The following EXOC4 variants were observed in gnomAD, a reference collection of about 807,000 sequenced individuals.
The protein encoded by EXOC4 is exocyst complex component 4, also known as SEC8-like 1.
EXOC4 carries 71 observed loss-of-function variants against 107.2 expected under a neutral mutation model. That is an observed-to-expected ratio of 0.66 (90% CI 0.55 to 0.81). The LOEUF (loss-of-function observed/expected upper bound fraction) is 0.81. Ranked by LOEUF, EXOC4 falls within the 30% of genes least tolerant of loss-of-function variation. The probability of loss-of-function intolerance (pLI) is 0.00; values close to 1 mark genes in which losing one functional copy is unlikely to be tolerated. For synonymous variants in EXOC4, 456 were observed against 441.2 expected (o/e 1.03, Z -0.42); for missense variants, 1,108 against 1,189.6 (o/e 0.93, Z 1.01).
intron 10 of EXOC4, among the ~76,000 whole-genome samples, chr7:133,661,684 AAAAAC>A (rs777358581): frequency 0.47 from 49,603 of 105,688 alleles, 12,041 homozygotes; most frequent in South Asian, 0.6. Flanking sequence ...AAAAAAAAAA[AAAAAC>A]AAAAAAAAAA....
At chr7:133,839,697 G>C (rs1233428117) in intron 11 of EXOC4, among the ~76,000 whole-genome samples, 1 of 152,152 alleles carries the variant, frequency 6.6e-6, no homozygotes, top group Non-Finnish European at 1.5e-5. Context: ...TGCTTTATAG[G>C]AATATTAAAA....
At chr7:133,941,605 C>T (rs770678543) in intron 14 of EXOC4, among the ~76,000 whole-genome samples, 15 of 152,158 alleles carry the variant, frequency 9.9e-5, no homozygotes, top group Non-Finnish European at 1.9e-4. Context: ...TTTCCCCTAC[C>T]ACACAGTACA....
rs147515428 is a variant in EXOC4 at position 133,814,647 on chromosome 7, T to C, written c.1515-2678T>C. The stretch of plus-strand genomic sequence containing the variant: ...CTATTTTTCACTCATGTCAGTAATA[T>C]ATGAGAATGCCTCTTTCTTCACACT... On this transcript the variant is annotated intron_variant, in intron 10 of 17. Coordinates refer to ENST00000253861, the MANE Select transcript of EXOC4 (RefSeq NM_021807.4). 1.8e-3 allele frequency among the ~76,000 whole-genome samples: 277 copies of C among 152,334 alleles called. 4 individuals carry two copies. Among genetic ancestry groups the C allele is most frequent in the African/African-American group, 6.4e-3 (264 of 41,570 alleles).
chr7:133,579,378 C>T (rs1307152264), intron 9 of EXOC4, among the ~76,000 whole-genome samples: 1 of 152,106 alleles, frequency 6.6e-6, no homozygotes, highest in Non-Finnish European at 1.5e-5. Context: ...TAGACTAAAA[C>T]AGGGACACAG....
intron 11 of EXOC4, among the ~76,000 whole-genome samples, chr7:133,852,955 A>T (rs767528571): frequency 2.6e-5 from 4 of 152,238 alleles, no homozygotes; most frequent in Non-Finnish European, 2.9e-5. Flanking sequence ...ACAATCGGGC[A>T]TCTCTGCTGT....
chr7:133,964,147 G>C (rs1206845328), intron 14 of EXOC4, among the ~76,000 whole-genome samples: 1 of 152,152 alleles, frequency 6.6e-6, no homozygotes, highest in East Asian at 1.9e-4. Flanking sequence ...CAGTGTGTAA[G>C]TCTTTGGGGA....
chr7:133,646,048 C>A (rs758464949), intron 10 of EXOC4, among the ~76,000 whole-genome samples: 39 of 121,092 alleles, frequency 3.2e-4, no homozygotes, highest in Non-Finnish European at 5.4e-4. Context: ...CTCCTCCTCT[C>A]CCCAAACAGC....
intron 10 of EXOC4, among the ~76,000 whole-genome samples, chr7:133,734,982 G>A (rs1487661868): frequency 3.3e-5 from 5 of 150,000 alleles, no homozygotes; most frequent in African/African-American, 1.2e-4. Flanking sequence ...AGGCTGAGGC[G>A]GGTGGATCAT....
chr7:133,660,242 A>T (rs1185039184), intron 10 of EXOC4, among the ~76,000 whole-genome samples: 4 of 150,774 alleles, frequency 2.7e-5, no homozygotes, highest in Non-Finnish European at 5.9e-5. Flanking sequence ...TCTGAGACTG[A>T]TTTAGTGTGG....
At chr7:133,860,877 C>G (rs947877228) in intron 11 of EXOC4, among the ~76,000 whole-genome samples, 10 of 151,928 alleles carry the variant, frequency 6.6e-5, no homozygotes, top group Non-Finnish European at 1.3e-4. Context: ...GTTTATTTCT[C>G]TATGTATGAC....
At chr7:133,354,344 A>G (rs1369678211) in intron 5 of EXOC4, among the ~76,000 whole-genome samples, 1 of 152,132 alleles carries the variant, frequency 6.6e-6, no homozygotes, top group Non-Finnish European at 1.5e-5. Flanking sequence ...TATTGTAGTC[A>G]GTGTCTATCC....
intron 10 of EXOC4, among the ~76,000 whole-genome samples, chr7:133,639,276 C>A (rs1488791224): frequency 6.6e-6 from 1 of 152,150 alleles, no homozygotes; most frequent in Non-Finnish European, 1.5e-5. Context: ...GACACACACA[C>A]CCCCTCTTTC....
At chr7:134,081,589 G>T in the EXOC4 span, among the ~76,000 whole-genome samples, 1 of 152,162 alleles carries the variant, frequency 6.6e-6, no homozygotes, top group Admixed American at 6.5e-5. Flanking sequence ...ATAATAGATG[G>T]TCAATAAATA....
chr7:133,513,693 T>C (rs769955304), intron 9 of EXOC4, among the ~76,000 whole-genome samples: 7 of 152,210 alleles, frequency 4.6e-5, no homozygotes, highest in Admixed American at 2.6e-4. Flanking sequence ...TTTCCTTCTT[T>C]CTTTTGGAGT....
chr7:133,277,210 TAGTTAA>T (rs1794017276), intron 2 of EXOC4, among the ~76,000 whole-genome samples: 2 of 152,222 alleles, frequency 1.3e-5, no homozygotes, highest in Admixed American at 1.3e-4. Flanking sequence ...TCTGTGAAAC[TAGTTAA>T]AGTTATAGAT....
At chr7:133,991,783 G>T (rs529118960) in intron 14 of EXOC4, among the ~76,000 whole-genome samples, 76 of 152,114 alleles carry the variant, frequency 5.0e-4, no homozygotes, top group African/African-American at 1.8e-3. Flanking sequence ...TTTATTTCTG[G>T]GTTCTCTATT....
rs56769096 is a variant in EXOC4 at position 133,735,219 on chromosome 7, CAAAAAAAAAA to C, written c.1515-82082_1515-82073del. Among the ~76,000 whole-genome samples the C allele has an allele frequency of 1.3e-3, 42 of 33,500 alleles. 1 individual carries two copies. The highest frequency in any genetic ancestry group is 1.6e-3 in the Non-Finnish European group (34 of 21,038). 22.0% of individuals were successfully genotyped at this position (33,500 alleles called of 152,430 possible). On this transcript the variant is annotated intron_variant, in intron 10 of 17. Transcript: ENST00000253861. ...TGGGTGACAGAGGAAGACTCTGTCT[CAAAAAAAAAA>C]AAAAAAAAAAAAAAAAAAAAAAAGT...
chr7:133,799,130 G>C (rs148787960), intron 10 of EXOC4, among the ~76,000 whole-genome samples: 23 of 152,330 alleles, frequency 1.5e-4, no homozygotes, highest in African/African-American at 5.3e-4. Flanking sequence ...GCAAGTTAGA[G>C]ATGAACTACT....
rs564663657 is a variant in EXOC4 at position 134,038,297 on chromosome 7, A to G, written c.2688-25994A>G. Among the ~76,000 whole-genome samples the G allele has an allele frequency of 4.7e-4, 72 of 152,338 alleles. 2 individuals are homozygous for G. The South Asian group carries it at 0.015, about 32-fold the overall frequency. ...AGCCCAACTTCTCCTGTGGAGATCCAGTGAACACATAAAAAGGTTTCAGTC... is the reference window on the plus strand; with the variant it reads ...AGCCCAACTTCTCCTGTGGAGATCCGGTGAACACATAAAAAGGTTTCAGTC... On this transcript the variant is annotated intron_variant, in intron 17 of 17. Transcript: ENST00000253861.
Sources: allele counts gnomAD v4.1 joint callset (sites outside exome capture counted in the v4.1 genomes callset), GRCh38; gene constraint gnomAD v4.1.1; transcripts MANE v1.5; gene names NCBI Gene and HGNC (gene_info 2026-07-23, HGNC 2026-07-21).